Variants in TMEM117 observed in about 807,000 individuals in gnomAD.
TMEM117 encodes the protein transmembrane protein 117.
In TMEM117, 27 loss-of-function variants were observed where a neutral mutation model predicts 52.4. That is an observed-to-expected ratio of 0.51 (90% CI 0.38 to 0.71). The LOEUF is 0.71. Among genes scored for constraint, TMEM117 ranks in the 30% least tolerant of loss-of-function variants. The pLI, the probability that TMEM117 is intolerant of heterozygous loss-of-function variation, is 0.00. For synonymous variants in TMEM117, 215 were observed against 206.3 expected, an observed-to-expected ratio of 1.04 and a Z score of -0.36; for missense variants, 556 against 630.5, an observed-to-expected ratio of 0.88 and a Z score of 1.26.
intron 3 of TMEM117, among the ~76,000 whole-genome samples, chr12:43,950,898 A>G (rs796801741): frequency 6.6e-6 from 1 of 152,210 alleles, no homozygotes; most frequent in Non-Finnish European, 1.5e-5. Flanking sequence ...TGCAGCTCCC[A>G]GGGAGACCAA....
chr12:43,934,999 C>T lies in TMEM117; in HGVS notation c.278-9211C>T, dbSNP rs190886731. On this transcript the variant is annotated intron_variant, in intron 2 of 7. Coordinates refer to ENST00000266534, the MANE Select transcript of TMEM117 (RefSeq NM_032256.3). ...ATTTTAGTTATTTTTATTCTGTTAC[C>T]GTTTTTTATTTTTTATTTTTTTGTT... Among the ~76,000 whole-genome samples the T allele has an allele frequency of 3.9e-5, 6 of 151,970 alleles. No individual in the cohort carries two copies. In the East Asian group the frequency reaches 9.7e-4, roughly 25 times the overall value.
At chr12:44,064,431 G>A (rs1592486257) in intron 3 of TMEM117, among the ~76,000 whole-genome samples, 1 of 152,038 alleles carries the variant, frequency 6.6e-6, no homozygotes, top group South Asian at 2.1e-4. Context: ...GACCAAAATC[G>A]AATCTTTGAT....
At chr12:44,004,796 G>A (rs1680671552) in intron 3 of TMEM117, among the ~76,000 whole-genome samples, 1 of 152,046 alleles carries the variant, frequency 6.6e-6, no homozygotes, top group African/African-American at 2.4e-5. Context: ...GTATATTTTT[G>A]TTTTGTTACT....
intron 3 of TMEM117, among the ~76,000 whole-genome samples, chr12:44,125,510 T>G (rs1159436952): frequency 6.6e-6 from 1 of 152,174 alleles, no homozygotes; most frequent in East Asian, 1.9e-4. Context: ...AAGTATTTAT[T>G]TATAGTATTC....
At chr12:44,351,777 C>T (rs1435601797) in intron 6 of TMEM117, among the ~76,000 whole-genome samples, 1 of 151,820 alleles carries the variant, frequency 6.6e-6, no homozygotes, top group Non-Finnish European at 1.5e-5. Flanking sequence ...AAAGCCAAAC[C>T]TATTGTGTTT....
intron 2 of TMEM117, among the ~76,000 whole-genome samples, chr12:43,859,845 C>G (rs1943459838): frequency 6.6e-6 from 1 of 152,186 alleles, no homozygotes; most frequent in South Asian, 2.1e-4. Context: ...GCATAACAAT[C>G]TATTTCTAAA....
At chr12:43,946,733 A>G (rs1321707463) in intron 3 of TMEM117, among the ~76,000 whole-genome samples, 1 of 152,178 alleles carries the variant, frequency 6.6e-6, no homozygotes, top group Admixed American at 6.5e-5. Flanking sequence ...CTCATTCACC[A>G]TATCCTATTA....
the TMEM117 span, chr12:43,806,421 C>T: frequency 1.7e-6 from 2 of 1,143,270 alleles, no homozygotes; most frequent in African/African-American, 1.6e-5. Context: ...CCCCGCCGCC[C>T]TTCCTGGCCG....
At chr12:44,274,720 A>G (rs901791437) in intron 5 of TMEM117, among the ~76,000 whole-genome samples, 4 of 152,236 alleles carry the variant, frequency 2.6e-5, no homozygotes, top group Admixed American at 2.0e-4. Flanking sequence ...AGTCTCTTCA[A>G]TACATGGTGC....
intron 3 of TMEM117, among the ~76,000 whole-genome samples, chr12:44,039,440 C>T (rs901871210): frequency 1.3e-5 from 2 of 150,762 alleles, no homozygotes; most frequent in Non-Finnish European, 3.0e-5. Context: ...GAGTTCCCAA[C>T]TTTGCTCTTC....
the TMEM117 span, among the ~76,000 whole-genome samples, chr12:43,829,953 T>A: frequency 1.3e-5 from 2 of 151,632 alleles, no homozygotes; most frequent in African/African-American, 2.4e-5. Flanking sequence ...CTGGGCGTGG[T>A]GGTGCGTGCC....
chr12:44,278,640 AATC>A (rs1950543348), intron 5 of TMEM117, among the ~76,000 whole-genome samples: 1 of 152,220 alleles, frequency 6.6e-6, no homozygotes, highest in Non-Finnish European at 1.5e-5. Flanking sequence ...CTTAAAAATC[AATC>A]AATGGGATCT....
chr12:44,342,050 T>A (rs1270157501), intron 6 of TMEM117, among the ~76,000 whole-genome samples: 1 of 149,400 alleles, frequency 6.7e-6, no homozygotes, highest in Non-Finnish European at 1.5e-5. Context: ...TTCCCAGATA[T>A]TTTAAAAGAC....
At position 44,388,534 on chromosome 12, in the gene TMEM117, C is replaced by G. The variant is rs773707065; in HGVS notation, c.1407C>G (p.Ile469Met). The change falls in exon 8 of 8, where the codon ATC (isoleucine) becomes ATG (methionine). Residue 469 changes from isoleucine (I) to methionine (M), a missense_variant. This residue lies in a region of TMEM117 where 206 missense variants were observed against 211.1 expected (regional missense o/e 0.98). Transcript: ENST00000266534. ...TGAATGACCCTTCTTTGGTTTGCAT[C>G]AGGTCTGACTTCAATGAGATCGTCT... Reference protein sequence around the residue: ...DPLNDPSLVCIRSDFNEIVYK... With the variant: ...DPLNDPSLVCMRSDFNEIVYK... 6.2e-7 allele frequency: 1 copy of G among 1,613,598 alleles called. No individual in the cohort carries two copies. The highest frequency in any genetic ancestry group is 1.1e-5 in the South Asian group (1 of 91,080).
intron 3 of TMEM117, among the ~76,000 whole-genome samples, chr12:43,977,301 A>G (rs1453868987): frequency 3.3e-5 from 5 of 152,138 alleles, no homozygotes; most frequent in Non-Finnish European, 7.4e-5. Context: ...AGGAAGCTGC[A>G]TCATCCAGGG....
intron 2 of TMEM117, among the ~76,000 whole-genome samples, chr12:43,867,473 A>T (rs1183138599): frequency 6.6e-6 from 1 of 152,234 alleles, no homozygotes; most frequent in Non-Finnish European, 1.5e-5. Flanking sequence ...GGTAGACCTA[A>T]ATCCAACTGT....
At chr12:44,070,672 C>T (rs77792594) in intron 3 of TMEM117, among the ~76,000 whole-genome samples, 3,342 of 152,266 alleles carry the variant, frequency 0.022, 138 homozygotes, top group African/African-American at 0.076. Context: ...GACTGCCTCA[C>T]AGGTCTTTTG....
chr12:44,032,159 T>G (rs540536919), intron 3 of TMEM117, among the ~76,000 whole-genome samples: 1 of 152,080 alleles, frequency 6.6e-6, no homozygotes, highest in African/African-American at 2.4e-5. Context: ...TGGAACAGAG[T>G]TCCATCAAAG....
chr12:43,942,974 C>G, intron 2 of TMEM117, among the ~76,000 whole-genome samples: 1 of 151,616 alleles, frequency 6.6e-6, no homozygotes, highest in South Asian at 2.1e-4. Context: ...GTCAGGAGAT[C>G]GAGACCATCT....
Sources: allele counts gnomAD v4.1 joint callset (sites outside exome capture counted in the v4.1 genomes callset), GRCh38; gene constraint gnomAD v4.1.1; regional missense constraint gnomAD v4.1.1; transcripts MANE v1.5; gene names NCBI Gene and HGNC (gene_info 2026-07-23, HGNC 2026-07-21).